TNPO1: variants seen among roughly 807,000 people sequenced by gnomAD.
TNPO1 encodes transportin 1.
TNPO1 carries 8 observed loss-of-function variants against 119.5 expected under a neutral mutation model. The ratio of observed to expected loss-of-function variants is 0.07; its 90% confidence interval spans 0.04 to 0.12. The LOEUF (loss-of-function observed/expected upper bound fraction) is 0.12. Among genes scored for constraint, TNPO1 ranks in the 10% least tolerant of loss-of-function variants. TNPO1 has a pLI of 1.00. For synonymous variants in TNPO1, 362 were observed against 363.0 expected (o/e 1.00, Z 0.03); for missense variants, 576 against 1,089.8 (o/e 0.53, Z 6.64).
In TNPO1 at chr5:72,902,032, G is replaced by T. The variant is rs541612927; in HGVS notation, c.2514+959G>T. On this transcript the variant is annotated intron_variant, in intron 22 of 24. Coordinates refer to ENST00000337273, the MANE Select transcript of TNPO1 (RefSeq NM_002270.4). ...AGAGGTTGCAATGAGCCGAGATCGCGCTATGGCACTCCAGTCTGGGGGACA... is the reference window on the plus strand; with the variant it reads ...AGAGGTTGCAATGAGCCGAGATCGCTCTATGGCACTCCAGTCTGGGGGACA... Among the ~76,000 whole-genome samples, 3 of 151,794 alleles carry T rather than the reference G, an allele frequency of 2.0e-5. No individual in the cohort carries two copies. The East Asian group carries it at 5.8e-4, about 29-fold the overall frequency.
At chr5:72,886,911 A>C (rs887513478) in intron 11 of TNPO1, among the ~76,000 whole-genome samples, 159 bp from the exon 12 acceptor site, 2 of 127,470 alleles carry the variant, frequency 1.6e-5, no homozygotes, top group Middle Eastern at 3.6e-3. Flanking sequence ...AAAAAAAAAA[A>C]CCACAAAATG....
chr5:72,896,786 T>G (rs1289141210), intron 19 of TNPO1, among the ~76,000 whole-genome samples: 1 of 152,150 alleles, frequency 6.6e-6, no homozygotes, highest in African/African-American at 2.4e-5. Context: ...GGAGAATCAC[T>G]TGAACCTGGG....
chr5:72,891,311 A>G (rs1431175355), intron 14 of TNPO1, among the ~76,000 whole-genome samples: 2 of 151,962 alleles, frequency 1.3e-5, no homozygotes, highest in Admixed American at 6.6e-5. Context: ...TAAAACTACA[A>G]AAAATTAGCC....
At chr5:72,858,608 T>C (rs34661) in intron 4 of TNPO1, among the ~76,000 whole-genome samples, 125,236 of 151,994 alleles carry the variant, frequency 0.82, 51,830 homozygotes, top group Non-Finnish European at 0.86. Context: ...GAGGCCAAGG[T>C]GGGCGGATCA....
At chr5:72,895,269 G>A (rs964686071) in intron 18 of TNPO1, among the ~76,000 whole-genome samples, 2 of 151,854 alleles carry the variant, frequency 1.3e-5, no homozygotes, top group African/African-American at 4.8e-5. Context: ...AGAGACTGAG[G>A]TTTAATGAGA....
At chr5:72,829,378 A>G (rs1386697724) in intron 1 of TNPO1, among the ~76,000 whole-genome samples, 2 of 152,238 alleles carry the variant, frequency 1.3e-5, no homozygotes, top group African/African-American at 4.8e-5. Context: ...TGTTCCTGCT[A>G]TTGAATATGA....
chr5:72,881,653 A>G (rs1041547299), intron 9 of TNPO1, among the ~76,000 whole-genome samples: 1 of 152,116 alleles, frequency 6.6e-6, no homozygotes, highest in Non-Finnish European at 1.5e-5. Context: ...TGAAACCTTT[A>G]TTACTCTTTT....
At position 72,913,814 on chromosome 5, in the gene TNPO1, A is replaced by C. The variant is rs1225866033; in HGVS notation, c.*5141A>C. ...GTTTTCCTTTGTGGATATATAAGCAAATTGAGCTTGGGTGATTTTTATGGA... is the reference window on the plus strand; with the variant it reads ...GTTTTCCTTTGTGGATATATAAGCACATTGAGCTTGGGTGATTTTTATGGA... On this transcript the variant is annotated 3_prime_UTR_variant, in exon 25 of 25. Transcript: ENST00000337273. The C allele has an allele frequency of 1.3e-5, 2 of 152,574 alleles. No homozygotes were observed. Among genetic ancestry groups the C allele is most frequent in the African/African-American group, 4.8e-5 (2 of 41,464 alleles). 9.5% of individuals were successfully genotyped at this position (152,574 alleles called of 1,614,324 possible).
intron 22 of TNPO1, among the ~76,000 whole-genome samples, chr5:72,903,103 G>A (rs530447236): frequency 2.0e-5 from 3 of 152,226 alleles, no homozygotes; most frequent in South Asian, 2.1e-4. Context: ...TTATTATCTT[G>A]TTCTTATAGT....
chr5:72,849,895 T>C (rs1274456940), intron 2 of TNPO1, among the ~76,000 whole-genome samples: 1 of 152,232 alleles, frequency 6.6e-6, no homozygotes, highest in Non-Finnish European at 1.5e-5. Context: ...CTAAGCCCAA[T>C]CCTGCATTGT....
At chr5:72,817,887 A>G (rs1360599560) in intron 1 of TNPO1, among the ~76,000 whole-genome samples, 3 of 152,220 alleles carry the variant, frequency 2.0e-5, no homozygotes, top group Admixed American at 6.5e-5. Context: ...TGAAGAAGCT[A>G]TGTTTAGTGG....
intron 13 of TNPO1, among the ~76,000 whole-genome samples, chr5:72,889,061 T>G (rs1349437973): frequency 6.6e-6 from 1 of 152,120 alleles, no homozygotes; most frequent in Non-Finnish European, 1.5e-5. Flanking sequence ...AAGGAAAATT[T>G]TATTTTATTT....
At chr5:72,816,791 G>T in intron 1 of TNPO1, 39 bp downstream of exon 1, 1 of 1,569,158 alleles carries the variant, frequency 6.4e-7, no homozygotes, top group East Asian at 2.4e-5. Flanking sequence ...AACTGCAGGG[G>T]CGGGAACGGA....
At chr5:72,828,850 G>T (rs980784633) in intron 1 of TNPO1, among the ~76,000 whole-genome samples, 13 of 152,114 alleles carry the variant, frequency 8.5e-5, no homozygotes, top group South Asian at 2.1e-4. Flanking sequence ...AAAATTTCTA[G>T]ATGTGTATTA....
At chr5:72,839,545 A>G (rs1333429880) in intron 1 of TNPO1, among the ~76,000 whole-genome samples, 1 of 152,230 alleles carries the variant, frequency 6.6e-6, no homozygotes, top group African/African-American at 2.4e-5. Context: ...AGTCCTTACT[A>G]AGAAGTACAA....
intron 8 of TNPO1, 67 bp downstream of exon 8, chr5:72,875,804 C>G: frequency 6.6e-7 from 1 of 1,518,950 alleles, no homozygotes; most frequent in Middle Eastern, 1.7e-4. Context: ...ATAGAAAATA[C>G]AACATACCGG....
At chr5:72,829,154 T>C (rs955107173) in intron 1 of TNPO1, among the ~76,000 whole-genome samples, 2 of 152,312 alleles carry the variant, frequency 1.3e-5, no homozygotes, top group Admixed American at 1.3e-4. Context: ...TAGAAAATAT[T>C]GTGAGACTTA....
At chr5:72,897,373 T>C (rs1392244160) in intron 20 of TNPO1, among the ~76,000 whole-genome samples, 4 of 152,186 alleles carry the variant, frequency 2.6e-5, no homozygotes, top group African/African-American at 9.7e-5. Flanking sequence ...AACACTTTTT[T>C]CCCCTATTCC....
chr5:72,911,083 G>C lies in TNPO1; in HGVS notation c.*2410G>C, dbSNP rs1277165644. Reference sequence around the variant, plus strand: ...TATTCTGTAGTGCTTCAAATACTTAGAATTCTAATATGAGAGATAGTTTAA... The same window carrying C: ...TATTCTGTAGTGCTTCAAATACTTACAATTCTAATATGAGAGATAGTTTAA... On this transcript the variant is annotated 3_prime_UTR_variant, in exon 25 of 25. Transcript: ENST00000337273. The C allele has an allele frequency of 6.6e-6, 1 of 151,832 alleles. No individual in the cohort carries two copies. Among genetic ancestry groups the C allele is most frequent in the Non-Finnish European group, 1.5e-5 (1 of 67,914 alleles). The allele number at this position is 151,832 out of a possible 1,614,324, so 9.4% of individuals were successfully genotyped here. A position where few individuals can be genotyped will look rare whatever the true frequency, so the allele number is the denominator to read the frequency against.
Sources: gnomAD v4.1 joint callset for allele counts (sites outside exome capture counted in the v4.1 genomes callset) on GRCh38, gnomAD v4.1.1 for gene constraint, MANE v1.5 for transcripts, NCBI Gene and HGNC (gene_info 2026-07-23, HGNC 2026-07-21) for gene names.